The following SGCZ variants were observed in gnomAD, a reference collection of about 807,000 sequenced individuals.
SGCZ encodes the protein sarcoglycan zeta.
Under a neutral mutation model 41.3 loss-of-function variants are expected in SGCZ, and 40 were observed. The observed-to-expected ratio is 0.97, with a 90% CI of 0.75 to 1.26. The LOEUF (loss-of-function observed/expected upper bound fraction) is 1.26, where lower values mean the gene tolerates loss of function less well. Among genes scored for constraint, SGCZ ranks in the 50% most tolerant of loss-of-function variants. SGCZ has a pLI of 0.00. For synonymous variants in SGCZ, 206 were observed against 137.5 expected (o/e 1.50, Z -3.49); for missense variants, 552 against 369.8 (o/e 1.49, Z -4.04).
At chr8:14,572,416 G>C (rs1356303344) in intron 1 of SGCZ, among the ~76,000 whole-genome samples, 1 of 152,094 alleles carries the variant, frequency 6.6e-6, no homozygotes, top group African/African-American at 2.4e-5. Flanking sequence ...AATAATATTA[G>C]TAGCAAACAA....
At chr8:14,582,819 C>T in intron 1 of SGCZ, among the ~76,000 whole-genome samples, 1 of 151,376 alleles carries the variant, frequency 6.6e-6, no homozygotes, top group East Asian at 2.0e-4. Context: ...TCATCCATGT[C>T]CCTACAAAGG....
intron 2 of SGCZ, among the ~76,000 whole-genome samples, chr8:14,414,768 C>A (rs1046679447): frequency 1.3e-5 from 2 of 151,694 alleles, no homozygotes; most frequent in African/African-American, 4.8e-5. Context: ...CTAATTAGGA[C>A]ATGAAGAGAC....
intron 2 of SGCZ, among the ~76,000 whole-genome samples, chr8:14,394,935 T>C (rs995244432): frequency 6.6e-6 from 1 of 152,188 alleles, no homozygotes. Context: ...TGGATTTGTA[T>C]CTAGATTTCC....
At chr8:14,477,473 T>C (rs753308680) in intron 2 of SGCZ, among the ~76,000 whole-genome samples, 17 of 152,288 alleles carry the variant, frequency 1.1e-4, no homozygotes, top group Non-Finnish European at 2.1e-4. Flanking sequence ...GTATTCTAAA[T>C]GGAGTGTGGG....
chr8:14,307,464 A>C (rs1259855614), intron 3 of SGCZ, among the ~76,000 whole-genome samples: 1 of 152,148 alleles, frequency 6.6e-6, no homozygotes, highest in Non-Finnish European at 1.5e-5. Flanking sequence ...AGTACATTCC[A>C]GTTTTTCTCT....
At chr8:14,289,904 G>T (rs1800780299) in intron 3 of SGCZ, among the ~76,000 whole-genome samples, 2 of 151,872 alleles carry the variant, frequency 1.3e-5, no homozygotes, top group African/African-American at 4.8e-5. Flanking sequence ...TAAACTTACA[G>T]TCATACCAGA....
Position 14,546,374 on chromosome 8 carries a change from A to G in SGCZ, c.234+8358T>C, listed in dbSNP as rs79948554. Among the ~76,000 whole-genome samples, 207 of 152,304 alleles carry G rather than the reference A, an allele frequency of 1.4e-3. 4 individuals are homozygous for G. In the East Asian group the frequency reaches 0.033, roughly 25 times the overall value. ...TAAATCACCTCCAGAGTGCTTTCTT[A>G]TCGTGGACAATGAGTTACTACTCAG... On this transcript the variant is annotated intron_variant, in intron 2 of 7. Coordinates refer to ENST00000382080, the MANE Select transcript of SGCZ (RefSeq NM_139167.4).
intron 1 of SGCZ, among the ~76,000 whole-genome samples, chr8:14,803,727 A>G (rs1229087947): frequency 6.6e-6 from 1 of 151,504 alleles, no homozygotes; most frequent in Non-Finnish European, 1.5e-5. Context: ...GGAGCCCACC[A>G]CAGCTCAAGG....
intron 2 of SGCZ, among the ~76,000 whole-genome samples, chr8:14,506,690 T>C (rs1274740501): frequency 6.6e-6 from 1 of 152,198 alleles, no homozygotes; most frequent in Admixed American, 6.6e-5. Context: ...TATAATGCTG[T>C]GATCAAGGAT....
chr8:15,063,966 T>G (rs941622795), intron 1 of SGCZ, among the ~76,000 whole-genome samples: 2 of 152,168 alleles, frequency 1.3e-5, no homozygotes, highest in African/African-American at 4.8e-5. Context: ...TTATCTTATT[T>G]TCTGTTATTC....
chr8:14,679,180 A>G (rs75685489), intron 1 of SGCZ, among the ~76,000 whole-genome samples: 2,816 of 152,264 alleles, frequency 0.018, 91 homozygotes, highest in African/African-American at 0.064. Flanking sequence ...CTTACAATAC[A>G]TAATACTTGA....
intron 1 of SGCZ, among the ~76,000 whole-genome samples, chr8:14,968,610 C>G (rs1801193388): frequency 6.6e-6 from 1 of 151,952 alleles, no homozygotes; most frequent in South Asian, 2.1e-4. Flanking sequence ...GACGTGTGTA[C>G]AGATGATTGA....
chr8:14,653,271 A>G (rs1037574079), intron 1 of SGCZ, among the ~76,000 whole-genome samples: 2 of 152,100 alleles, frequency 1.3e-5, no homozygotes, highest in African/African-American at 4.8e-5. Context: ...GTAACAAGCC[A>G]ATCTGTTTCA....
chr8:14,343,321 C>T (rs1238773660), intron 2 of SGCZ, among the ~76,000 whole-genome samples: 2 of 152,158 alleles, frequency 1.3e-5, no homozygotes, highest in African/African-American at 4.8e-5. Context: ...CCTCCAGACC[C>T]AGAATGGTAG....
At chr8:14,301,432 G>A (rs934296387) in intron 3 of SGCZ, among the ~76,000 whole-genome samples, 2 of 151,902 alleles carry the variant, frequency 1.3e-5, no homozygotes, top group African/African-American at 4.8e-5. Flanking sequence ...ATTATAACAT[G>A]ATACCTGTTT....
chr8:14,490,703 G>A (rs181186519), intron 2 of SGCZ, among the ~76,000 whole-genome samples: 7 of 152,276 alleles, frequency 4.6e-5, no homozygotes, highest in Non-Finnish European at 1.0e-4. Context: ...ATGAATGTTT[G>A]ACACTGATGT....
intron 2 of SGCZ, among the ~76,000 whole-genome samples, chr8:14,513,227 G>C (rs1247768699): frequency 6.6e-6 from 1 of 151,676 alleles, no homozygotes; most frequent in African/African-American, 2.4e-5. Context: ...TGTAGAGACA[G>C]GGGTCTCCCT....
At chr8:14,321,804 A>G (rs1801925968) in intron 3 of SGCZ, among the ~76,000 whole-genome samples, 1 of 152,110 alleles carries the variant, frequency 6.6e-6, no homozygotes, top group South Asian at 2.1e-4. Flanking sequence ...AAAATCCGTG[A>G]AAAGATTGAA....
rs1316622145 is a variant in SGCZ at position 14,916,649 on chromosome 8, C to G, written c.39+320936G>C. ...CACTTCATATTTTGTAGTTTTATAA[C>G]TAAGATTCCATTATGTGTGATGGCA... On this transcript the variant is annotated intron_variant, in intron 1 of 7. Coordinates refer to ENST00000382080, the MANE Select transcript of SGCZ (RefSeq NM_139167.4). Among the ~76,000 whole-genome samples, 5 of 152,150 alleles carry G rather than the reference C, an allele frequency of 3.3e-5. No homozygotes were observed. The East Asian group carries it at 9.6e-4, about 29-fold the overall frequency.
Sources: allele counts gnomAD v4.1 joint callset (sites outside exome capture counted in the v4.1 genomes callset), GRCh38; gene constraint gnomAD v4.1.1; transcripts MANE v1.5; gene names NCBI Gene and HGNC (gene_info 2026-07-23, HGNC 2026-07-21).